SLC8A1: variants seen among roughly 807,000 people sequenced by gnomAD.
The protein encoded by SLC8A1 is sodium/calcium exchanger 1.
SLC8A1 carries 18 observed loss-of-function variants against 68.3 expected under a neutral mutation model. That is an observed-to-expected ratio of 0.26 (90% CI 0.18 to 0.39). The LOEUF is 0.39. SLC8A1 is among the 10% of genes least tolerant of loss of function. SLC8A1 has a pLI of 1.00. For missense variants in SLC8A1, 985 were observed against 1,156.7 expected, an observed-to-expected ratio of 0.85 and a Z score of 2.15; for synonymous variants, 475 against 415.5, an observed-to-expected ratio of 1.14 and a Z score of -1.74.
chr2:40,165,653 G>A (rs977003638), intron 4 of SLC8A1, among the ~76,000 whole-genome samples: 21 of 152,166 alleles, frequency 1.4e-4, no homozygotes, highest in African/African-American at 5.1e-4. Flanking sequence ...TAAACAGGGA[G>A]GGCGAGGGTG....
intron 2 of SLC8A1, among the ~76,000 whole-genome samples, chr2:40,253,566 C>T (rs1164758637): frequency 6.6e-6 from 1 of 152,080 alleles, no homozygotes; most frequent in Non-Finnish European, 1.5e-5. Flanking sequence ...TGGCTCATGC[C>T]TGTAATCCCA....
chr2:40,482,881 C>T (rs1277606731), intron 1 of SLC8A1, among the ~76,000 whole-genome samples: 2 of 150,884 alleles, frequency 1.3e-5, no homozygotes, highest in Admixed American at 1.3e-4. Flanking sequence ...AGCTCCGCCT[C>T]CCGGGTTCAC....
At chr2:40,492,618 A>T (rs1424688346) in intron 1 of SLC8A1, among the ~76,000 whole-genome samples, 1 of 150,404 alleles carries the variant, frequency 6.6e-6, no homozygotes, top group Non-Finnish European at 1.5e-5. Flanking sequence ...TAATATCCAG[A>T]ATCTACAATG....
chr2:40,444,667 T>C (rs898859926), intron 1 of SLC8A1, among the ~76,000 whole-genome samples: 3 of 152,218 alleles, frequency 2.0e-5, no homozygotes, highest in African/African-American at 7.2e-5. Context: ...TTAAAATGTT[T>C]CTTACCTTTT....
At chr2:40,361,737 C>T (rs1331139711) in intron 2 of SLC8A1, among the ~76,000 whole-genome samples, 2 of 151,836 alleles carry the variant, frequency 1.3e-5, no homozygotes, top group Non-Finnish European at 2.9e-5. Flanking sequence ...TGGTAAGTGG[C>T]CACACGTATC....
chr2:40,163,876 C>A (rs746853596), intron 5 of SLC8A1, among the ~76,000 whole-genome samples: 1 of 152,144 alleles, frequency 6.6e-6, no homozygotes, highest in Non-Finnish European at 1.5e-5. Flanking sequence ...ATTAATGGAT[C>A]CAGCTAAAGG....
intron 1 of SLC8A1, chr2:40,512,316 A>G (rs1706794537): frequency 6.6e-6 from 1 of 152,304 alleles, no homozygotes; most frequent in South Asian, 2.1e-4. Flanking sequence ...ATGATCCTTT[A>G]TAGAAGTTCC....
chr2:40,453,967 G>T (rs1702835204), upstream of SLC8A1, among the ~76,000 whole-genome samples: 1 of 152,126 alleles, frequency 6.6e-6, no homozygotes, highest in Non-Finnish European at 1.5e-5. Context: ...TTCTTTCCTT[G>T]CTATAAGTTA....
chr2:40,240,494 G>A (rs187217051), intron 2 of SLC8A1, among the ~76,000 whole-genome samples: 9 of 152,306 alleles, frequency 5.9e-5, no homozygotes, highest in Admixed American at 2.6e-4. Context: ...AAACCCCACT[G>A]TAGTATTAGA....
intron 6 of SLC8A1, among the ~76,000 whole-genome samples, chr2:40,145,794 G>A (rs1318351916): frequency 6.6e-6 from 1 of 152,162 alleles, no homozygotes; most frequent in Non-Finnish European, 1.5e-5. Context: ...CGCCATAAGG[G>A]CCAGCAGTTT....
intron 2 of SLC8A1, chr2:40,254,429 A>G (rs1455648101): frequency 6.7e-6 from 1 of 149,988 alleles, no homozygotes; most frequent in Non-Finnish European, 1.5e-5. Context: ...GGCTATTTAG[A>G]TCCTGCATCA....
chr2:40,430,032 C>G (rs1291770639), exon 2 of SLC8A1: 3 of 1,613,784 alleles, frequency 1.9e-6, no homozygotes, highest in African/African-American at 2.7e-5. Flanking sequence ...AGACCATGGC[C>G]ACAAAATACA....
chr2:40,170,609 C>T (rs2047301968), intron 4 of SLC8A1, among the ~76,000 whole-genome samples: 1 of 152,026 alleles, frequency 6.6e-6, no homozygotes, highest in Admixed American at 6.6e-5. Flanking sequence ...AACCACAAGC[C>T]CCATGGTAGT....
intron 2 of SLC8A1, among the ~76,000 whole-genome samples, chr2:40,189,059 A>G (rs1271234725): frequency 3.3e-5 from 5 of 152,210 alleles, no homozygotes; most frequent in African/African-American, 1.2e-4. Flanking sequence ...CAAGGGGTAG[A>G]CTAGTAGAAA....
Position 40,175,293 on chromosome 2 carries a change from AC to A in SLC8A1, c.1913-452del, listed in dbSNP as rs780287630. 6.2e-7 allele frequency: 1 copy of A among 1,612,206 alleles called. No homozygotes were observed. The highest frequency in any genetic ancestry group is 1.7e-5 in the Admixed American group (1 of 59,904). On this transcript the variant is annotated intron_variant, in intron 3 of 7. Transcript: ENST00000406785. Reference sequence around the variant, plus strand: ...ATTCAATAACAGGGCTGTGAAGGAAACAGACAAAGACAAACACAGAATAAGA... The same window carrying A: ...ATTCAATAACAGGGCTGTGAAGGAAAAGACAAAGACAAACACAGAATAAGA...
rs930559625 is a variant in SLC8A1 at position 40,236,890 on chromosome 2, G to C, written c.1809-59035C>G. 5.2e-4 allele frequency among the ~76,000 whole-genome samples: 79 copies of C among 151,874 alleles called. 1 individual carries two copies. Among genetic ancestry groups the C allele is most frequent in the African/African-American group, 1.8e-3 (73 of 41,414 alleles). ...AGTTTGGCTGGATATGAAATTCTGG[G>C]TTGAAAATTCTTTTCTTTAAGAATG... On this transcript the variant is annotated intron_variant, in intron 2 of 7. Transcript: ENST00000406785.
intron 1 of SLC8A1, among the ~76,000 whole-genome samples, 172 bp downstream of exon 1, chr2:40,451,732 C>CATCACACACACACACACA (rs1195159597): frequency 8.1e-5 from 11 of 136,342 alleles, no homozygotes; most frequent in African/African-American, 3.1e-4. Context: ...CGCGCACACA[C>CATCACACACACACACACA]CACATCACAC....
Position 40,337,218 on chromosome 2 carries a change from C to T in SLC8A1, c.1808+91255G>A, listed in dbSNP as rs185853186. 1.7e-3 allele frequency: 441 copies of T among 252,730 alleles called. 1 individual carries two copies. The highest frequency in any genetic ancestry group is 8.7e-3 in the African/African-American group (402 of 46,198). 15.7% of individuals were successfully genotyped at this position (252,730 alleles called of 1,614,324 possible). A position where few individuals can be genotyped will look rare whatever the true frequency, so the allele number is the denominator to read the frequency against. On this transcript the variant is annotated intron_variant, in intron 2 of 7. Coordinates refer to ENST00000406785, the Ensembl canonical transcript of SLC8A1. ...TTTTTAAGAATGGGGGAAGTAAATACATTCACTGTTTTGAAATGGTATTTT... is the reference window on the plus strand; with the variant it reads ...TTTTTAAGAATGGGGGAAGTAAATATATTCACTGTTTTGAAATGGTATTTT...
intron 2 of SLC8A1, among the ~76,000 whole-genome samples, chr2:40,298,102 G>A (rs1006671405): frequency 5.3e-5 from 8 of 152,066 alleles, no homozygotes; most frequent in Non-Finnish European, 1.0e-4. Flanking sequence ...GGCTGGTCTC[G>A]AACTCCTGAA....
Sources: gnomAD v4.1 joint callset for allele counts (sites outside exome capture counted in the v4.1 genomes callset) on GRCh38, gnomAD v4.1.1 for gene constraint, MANE v1.5 for transcripts, NCBI Gene and HGNC (gene_info 2026-07-23, HGNC 2026-07-21) for gene names.